Variants in ARHGAP10 observed in about 807,000 individuals in gnomAD.
ARHGAP10 encodes rho GTPase-activating protein 10.
A neutral mutation model predicts 108.6 loss-of-function variants in ARHGAP10; 87 were observed. That is an observed-to-expected ratio of 0.80 (90% CI 0.67 to 0.96). ARHGAP10 has a LOEUF of 0.96. Ranked by LOEUF, ARHGAP10 falls within the 40% of genes least tolerant of loss-of-function variation. The pLI, the probability that ARHGAP10 is intolerant of heterozygous loss-of-function variation, is 0.00. For synonymous variants in ARHGAP10, 347 were observed against 341.1 expected (o/e 1.02, Z -0.19); for missense variants, 939 against 954.5 (o/e 0.98, Z 0.21).
At chr4:147,943,324 G>T (rs1424168669) in intron 14 of ARHGAP10, among the ~76,000 whole-genome samples, 2 of 152,144 alleles carry the variant, frequency 1.3e-5, no homozygotes, top group African/African-American at 4.8e-5. Context: ...GAAATGAGAA[G>T]AGTTTTACTT....
chr4:147,751,620 GC>G (rs1729154741), intron 1 of ARHGAP10, among the ~76,000 whole-genome samples: 1 of 151,954 alleles, frequency 6.6e-6, no homozygotes, highest in Admixed American at 6.6e-5. Context: ...CCTACCTCCG[GC>G]CCCCTAAAGT....
chr4:147,809,772 T>C (rs1317452347), intron 1 of ARHGAP10, among the ~76,000 whole-genome samples: 1 of 152,158 alleles, frequency 6.6e-6, no homozygotes, highest in Non-Finnish European at 1.5e-5. Context: ...ATCATTAGAT[T>C]CTCATAAGGA....
At chr4:147,898,871 C>T (rs1485460777) in intron 10 of ARHGAP10, among the ~76,000 whole-genome samples, 4 of 149,196 alleles carry the variant, frequency 2.7e-5, no homozygotes, top group African/African-American at 1.0e-4. Context: ...CACTTTTAAA[C>T]CACCAGATCT....
intron 19 of ARHGAP10, among the ~76,000 whole-genome samples, chr4:148,029,081 A>G (rs1344185379): frequency 6.6e-6 from 1 of 152,204 alleles, no homozygotes; most frequent in Non-Finnish European, 1.5e-5. Context: ...AAAATGGTGT[A>G]GAATGTCTTG....
At chr4:147,873,889 A>AAGG (rs1553959040) in intron 7 of ARHGAP10, among the ~76,000 whole-genome samples, 1 of 147,952 alleles carries the variant, frequency 6.8e-6, no homozygotes, top group African/African-American at 2.6e-5. Flanking sequence ...AAAAAAAAAA[A>AAGG]GGGGGGATAA....
At chr4:147,982,426 G>A (rs1215737226) in intron 18 of ARHGAP10, among the ~76,000 whole-genome samples, 2 of 146,000 alleles carry the variant, frequency 1.4e-5, no homozygotes, top group African/African-American at 2.6e-5. Context: ...CTGGAGTGCA[G>A]TGGTGCAATC....
intron 1 of ARHGAP10, among the ~76,000 whole-genome samples, chr4:147,754,114 T>C (rs370532827): frequency 6.6e-5 from 10 of 152,188 alleles, no homozygotes; most frequent in Non-Finnish European, 1.2e-4. Context: ...GCCTTGCTCA[T>C]AGGCACTGAG....
At chr4:147,818,799 A>G (rs568012474) in intron 1 of ARHGAP10, among the ~76,000 whole-genome samples, 7 of 152,298 alleles carry the variant, frequency 4.6e-5, no homozygotes, top group South Asian at 2.1e-4. Flanking sequence ...TATGAACTGC[A>G]TGGGAAAATA....
chr4:147,734,074 A>C (rs534209994), intron 1 of ARHGAP10, among the ~76,000 whole-genome samples: 1 of 152,010 alleles, frequency 6.6e-6, no homozygotes, highest in Admixed American at 6.6e-5. Context: ...TGCAGAGTGA[A>C]CACGAGAGAA....
chr4:148,023,284 AC>A lies in ARHGAP10; in HGVS notation c.1739del (p.Thr580IlefsTer68), dbSNP rs780091078. ...HEKIFRTPPD[T>X]TFPEPTCLSA... ...GAAGATTTTTCGGACGCCGCCCGAT[AC>A]TACATTCCCTGAGCCCACCTGCCTG... On this transcript the variant is annotated frameshift_variant, in exon 19 of 23. Transcript: ENST00000336498. LOFTEE classifies it high-confidence loss of function. The A allele has an allele frequency of 6.2e-7, 1 of 1,613,968 alleles. No individual in the cohort carries two copies. The highest frequency in any genetic ancestry group is 1.3e-5 in the African/African-American group (1 of 74,928).
At chr4:148,018,784 T>G (rs1221664907) in intron 18 of ARHGAP10, among the ~76,000 whole-genome samples, 1 of 152,200 alleles carries the variant, frequency 6.6e-6, no homozygotes, top group African/African-American at 2.4e-5. Context: ...CCTATAATAT[T>G]TTTATAGTTT....
intron 1 of ARHGAP10, among the ~76,000 whole-genome samples, chr4:147,765,509 G>T (rs1729772867): frequency 6.6e-6 from 1 of 152,148 alleles, no homozygotes; most frequent in African/African-American, 2.4e-5. Flanking sequence ...GCTGATAGAA[G>T]TTTCATGAGG....
intron 7 of ARHGAP10, among the ~76,000 whole-genome samples, chr4:147,874,566 CT>C (rs1301507032): frequency 6.6e-6 from 1 of 152,146 alleles, no homozygotes; most frequent in Admixed American, 6.5e-5. Flanking sequence ...AAGAATTAAA[CT>C]TTTTCAGATT....
At chr4:147,810,011 T>C (rs1281834848) in intron 1 of ARHGAP10, among the ~76,000 whole-genome samples, 2 of 152,352 alleles carry the variant, frequency 1.3e-5, no homozygotes, top group East Asian at 3.9e-4. Flanking sequence ...TTCTATTATT[T>C]AGTATTTTCT....
chr4:147,804,045 A>G (rs1268002879), intron 1 of ARHGAP10, among the ~76,000 whole-genome samples: 2 of 134,782 alleles, frequency 1.5e-5, no homozygotes, highest in Non-Finnish European at 3.2e-5. Context: ...CAGGTTTGTT[A>G]TATAGGTAAA....
Position 147,854,066 on chromosome 4 carries a change from C to T in ARHGAP10, c.385-3487C>T, listed in dbSNP as rs528610310. On this transcript the variant is annotated intron_variant, in intron 4 of 22. Coordinates refer to ENST00000336498, the MANE Select transcript of ARHGAP10 (RefSeq NM_024605.4). ...TGAATTGGGGTTCTTAGGTTCTTCTCTTCTACCATTTATATAACGTATGTC... is the reference window on the plus strand; with the variant it reads ...TGAATTGGGGTTCTTAGGTTCTTCTTTTCTACCATTTATATAACGTATGTC... 6.4e-4 allele frequency among the ~76,000 whole-genome samples: 98 copies of T among 152,240 alleles called. 1 individual carries two copies. The highest frequency in any genetic ancestry group is 2.2e-3 in the African/African-American group (91 of 41,558).
intron 3 of ARHGAP10, among the ~76,000 whole-genome samples, chr4:147,845,575 C>A (rs1733598638): frequency 6.6e-6 from 1 of 152,204 alleles, no homozygotes; most frequent in African/African-American, 2.4e-5. Flanking sequence ...CTTGGAATCC[C>A]TATTCCTATC....
chr4:147,829,618 G>A (rs185241644), intron 3 of ARHGAP10, among the ~76,000 whole-genome samples: 6 of 152,246 alleles, frequency 3.9e-5, no homozygotes, highest in East Asian at 3.9e-4. Flanking sequence ...TCACTTCTGC[G>A]CGTGTTCTCA....
At chr4:147,842,419 T>G (rs1032018002) in intron 3 of ARHGAP10, among the ~76,000 whole-genome samples, 1 of 152,198 alleles carries the variant, frequency 6.6e-6, no homozygotes, top group Non-Finnish European at 1.5e-5. Context: ...TTGGGGTTCT[T>G]ATTTTAAAAT....
Sources: gnomAD v4.1 joint callset for allele counts (sites outside exome capture counted in the v4.1 genomes callset) on GRCh38, gnomAD v4.1.1 for gene constraint, MANE v1.5 for transcripts, NCBI Gene and HGNC (gene_info 2026-07-23, HGNC 2026-07-21) for gene names.